The following SCHIP1 variants were observed in gnomAD, a reference collection of about 807,000 sequenced individuals.
SCHIP1 encodes the protein schwannomin interacting protein 1.
In SCHIP1, 8 loss-of-function variants were observed where a neutral mutation model predicts 29.7. The observed-to-expected ratio is 0.27, with a 90% CI of 0.16 to 0.49. The LOEUF (loss-of-function observed/expected upper bound fraction) is 0.49. SCHIP1 is among the 20% of genes least tolerant of loss of function. The pLI is 0.99. For synonymous variants in SCHIP1, 76 were observed against 94.9 expected (o/e 0.80, Z 1.16); for missense variants, 193 against 294.6 (o/e 0.66, Z 2.52).
chr3:159,504,661 C>T, the SCHIP1 span, among the ~76,000 whole-genome samples: 1 of 152,004 alleles, frequency 6.6e-6, no homozygotes, highest in Non-Finnish European at 1.5e-5. Flanking sequence ...ATTTTTTGTA[C>T]CCCTCCTCGC....
At chr3:159,632,059 TG>T in the SCHIP1 span, among the ~76,000 whole-genome samples, 1 of 152,158 alleles carries the variant, frequency 6.6e-6, no homozygotes, top group African/African-American at 2.4e-5. Flanking sequence ...TTTAAATCTA[TG>T]TTTTAGCTAT....
At chr3:159,374,899 A>G in the SCHIP1 span, among the ~76,000 whole-genome samples, 6 of 152,330 alleles carry the variant, frequency 3.9e-5, no homozygotes, top group Middle Eastern at 6.8e-3. Flanking sequence ...CATGTGTTCT[A>G]AGTATAAAAT....
At chr3:159,480,825 A>C in the SCHIP1 span, among the ~76,000 whole-genome samples, 1 of 152,154 alleles carries the variant, frequency 6.6e-6, no homozygotes, top group East Asian at 1.9e-4. Flanking sequence ...GAGTCCACCA[A>C]ATAGGCTTCG....
At chr3:159,888,120 C>A in intron 4 of SCHIP1, 1 of 643,160 alleles carries the variant, frequency 1.6e-6, no homozygotes. Context: ...GTAAAGTTTG[C>A]TGTTGATTGA....
chr3:159,371,682 T>C, the SCHIP1 span, among the ~76,000 whole-genome samples: 1 of 152,204 alleles, frequency 6.6e-6, no homozygotes, highest in South Asian at 2.1e-4. Flanking sequence ...TGCTGAGGAC[T>C]CTGATATAAA....
At chr3:159,452,741 G>A in the SCHIP1 span, among the ~76,000 whole-genome samples, 1 of 152,116 alleles carries the variant, frequency 6.6e-6, no homozygotes, top group African/African-American at 2.4e-5. Flanking sequence ...CTTCCACAAT[G>A]GTTGAACTAA....
intron 6 of SCHIP1, among the ~76,000 whole-genome samples, chr3:159,895,788 C>T (rs1040853814): frequency 2.6e-5 from 4 of 152,278 alleles, no homozygotes; most frequent in South Asian, 2.1e-4. Flanking sequence ...CTCCACCTCC[C>T]GGGTTCAAGC....
the SCHIP1 span, among the ~76,000 whole-genome samples, chr3:159,714,008 G>A: frequency 6.6e-6 from 1 of 152,192 alleles, no homozygotes; most frequent in Admixed American, 6.5e-5. Context: ...AGGCCAAGGT[G>A]GGTGGATCAC....
At chr3:159,780,370 G>C in the SCHIP1 span, among the ~76,000 whole-genome samples, 10 of 152,282 alleles carry the variant, frequency 6.6e-5, no homozygotes, top group South Asian at 1.5e-3. Flanking sequence ...GCCAGCATTG[G>C]TTTTAATTGC....
the SCHIP1 span, among the ~76,000 whole-genome samples, chr3:159,750,261 GTGTATATATATA>G: frequency 0.12 from 1,459 of 11,728 alleles, 29 homozygotes; most frequent in Middle Eastern, 0.33. Context: ...GTATGTGTGT[GTGTATATATATA>G]TATATATATA....
At chr3:159,809,837 C>CA in the SCHIP1 span, among the ~76,000 whole-genome samples, 1 of 151,962 alleles carries the variant, frequency 6.6e-6, no homozygotes, top group African/African-American at 2.4e-5. Context: ...CCTGTCTCTA[C>CA]AAAAAATACA....
chr3:159,833,934 A>G, the SCHIP1 span, among the ~76,000 whole-genome samples: 1 of 152,274 alleles, frequency 6.6e-6, no homozygotes, highest in Non-Finnish European at 1.5e-5. Context: ...AAGTGCCATC[A>G]GTTCCTTTTT....
At chr3:159,571,995 C>G in the SCHIP1 span, among the ~76,000 whole-genome samples, 6 of 151,972 alleles carry the variant, frequency 3.9e-5, no homozygotes, top group East Asian at 1.9e-4. Flanking sequence ...TTTTTTATTG[C>G]GTCTATTTGA....
the SCHIP1 span, among the ~76,000 whole-genome samples, chr3:159,395,110 T>C: frequency 7.6e-4 from 116 of 152,236 alleles, 1 homozygote; most frequent in East Asian, 0.022. Flanking sequence ...CATAGAGGTG[T>C]TTGTTTGTAG....
At chr3:159,354,630 T>C in the SCHIP1 span, among the ~76,000 whole-genome samples, 1 of 152,236 alleles carries the variant, frequency 6.6e-6, no homozygotes, top group South Asian at 2.1e-4. Flanking sequence ...GGATGGAGAT[T>C]TAAAATTACA....
chr3:159,840,552 AAC>A (rs377190168), intron 1 of SCHIP1, among the ~76,000 whole-genome samples: 8 of 152,356 alleles, frequency 5.3e-5, no homozygotes, highest in African/African-American at 1.9e-4. Flanking sequence ...TCACATCGAT[AAC>A]ACTGAAAAAC....
the SCHIP1 span, among the ~76,000 whole-genome samples, chr3:159,661,872 G>A: frequency 1.3e-5 from 2 of 152,228 alleles, no homozygotes. Flanking sequence ...GTTGGATACA[G>A]TGGGTTCTAG....
At chr3:159,546,843 C>G in the SCHIP1 span, among the ~76,000 whole-genome samples, 26,347 of 152,068 alleles carry the variant, frequency 0.17, 2,539 homozygotes, top group South Asian at 0.35. Context: ...TGGGTTGGTT[C>G]CAAGTCTTTG....
the SCHIP1 span, among the ~76,000 whole-genome samples, chr3:159,420,827 C>A: frequency 6.6e-6 from 1 of 152,078 alleles, no homozygotes; most frequent in Non-Finnish European, 1.5e-5. Flanking sequence ...TTTCTATGGC[C>A]ACAGTGGGCA....
Sources: allele counts gnomAD v4.1 joint callset (sites outside exome capture counted in the v4.1 genomes callset), GRCh38; gene constraint gnomAD v4.1.1; transcripts MANE v1.5; gene names NCBI Gene and HGNC (gene_info 2026-07-23, HGNC 2026-07-21).